Variants in MARCHF11 observed in about 807,000 individuals in gnomAD.
MARCHF11 encodes the protein membrane associated ring-CH-type finger 11, also known as E3 ubiquitin-protein ligase MARCHF11.
MARCHF11 carries 29 observed loss-of-function variants against 37.3 expected under a neutral mutation model. The observed-to-expected ratio is 0.78, with a 90% CI of 0.58 to 1.06. MARCHF11 has a LOEUF of 1.06. Among genes scored for constraint, MARCHF11 ranks in the 50% least tolerant of loss-of-function variants. MARCHF11 has a pLI of 0.00. For synonymous variants in MARCHF11, 233 were observed against 228.0 expected (o/e 1.02, Z -0.20); for missense variants, 482 against 533.4 (o/e 0.90, Z 0.95).
intron 3 of MARCHF11, among the ~76,000 whole-genome samples, chr5:16,082,248 A>T (rs1736623967): frequency 6.6e-6 from 1 of 152,200 alleles, no homozygotes; most frequent in Non-Finnish European, 1.5e-5. Flanking sequence ...TTTCAGGCTC[A>T]TCACGTTGAA....
At chr5:16,150,128 G>A (rs1000427306) in intron 2 of MARCHF11, among the ~76,000 whole-genome samples, 1 of 149,320 alleles carries the variant, frequency 6.7e-6, no homozygotes, top group African/African-American at 2.6e-5. Flanking sequence ...GATTTATCAA[G>A]TTATACAGTT....
In MARCHF11 at chr5:16,150,090, G is replaced by A. The variant is rs547158972; in HGVS notation, c.693+27636C>T. Among the ~76,000 whole-genome samples, 4 of 149,490 alleles carry A rather than the reference G, an allele frequency of 2.7e-5. No individual in the cohort carries two copies. In the East Asian group the frequency reaches 7.8e-4, roughly 29 times the overall value. On this transcript the variant is annotated intron_variant, in intron 2 of 3. Coordinates refer to ENST00000332432, the MANE Select transcript of MARCHF11 (RefSeq NM_001102562.3). Reference sequence around the variant, plus strand: ...AACTTCCTCTGTCTTGATCTGGGTGGTGGTGACACAGGTGTACATGTATAA... The same window carrying A: ...AACTTCCTCTGTCTTGATCTGGGTGATGGTGACACAGGTGTACATGTATAA...
chr5:16,134,998 TCA>T lies in MARCHF11; in HGVS notation c.693+42726_693+42727del, dbSNP rs1553996992. The stretch of plus-strand genomic sequence containing the variant: ...TGATTTCTCTCTCTCTCTCTCTCTC[TCA>T]CACACACACACACACACACACACAC... On this transcript the variant is annotated intron_variant, in intron 2 of 3. Transcript: ENST00000332432. 2.2e-3 allele frequency among the ~76,000 whole-genome samples: 316 copies of T among 143,308 alleles called. 1 individual carries two copies. The highest frequency in any genetic ancestry group is 4.6e-3 in the African/African-American group (179 of 38,836). The allele number at this position is 143,308 out of a possible 152,430, so 94.0% of individuals were successfully genotyped here. A position where few individuals can be genotyped will look rare whatever the true frequency, so the allele number is the denominator to read the frequency against.
At chr5:16,135,797 C>G (rs563531751) in intron 2 of MARCHF11, among the ~76,000 whole-genome samples, 2 of 150,036 alleles carry the variant, frequency 1.3e-5, no homozygotes, top group Middle Eastern at 3.4e-3. Context: ...TTGGAACGCT[C>G]TCCTCAATGC....
At chr5:16,096,270 T>C (rs1736866894) in intron 2 of MARCHF11, among the ~76,000 whole-genome samples, 1 of 152,246 alleles carries the variant, frequency 6.6e-6, no homozygotes, top group Non-Finnish European at 1.5e-5. Context: ...CATACCTTTC[T>C]AAATGGCATC....
At chr5:16,072,903 G>A (rs1427209979) in intron 3 of MARCHF11, among the ~76,000 whole-genome samples, 1 of 151,912 alleles carries the variant, frequency 6.6e-6, no homozygotes, top group Non-Finnish European at 1.5e-5. Flanking sequence ...CACTCCTAGA[G>A]GTATAATAAT....
At chr5:16,167,200 G>A (rs1466822941) in intron 2 of MARCHF11, among the ~76,000 whole-genome samples, 1 of 151,710 alleles carries the variant, frequency 6.6e-6, no homozygotes, top group Non-Finnish European at 1.5e-5. Flanking sequence ...GTAATTATAA[G>A]GAATTGGCTC....
intron 2 of MARCHF11, among the ~76,000 whole-genome samples, chr5:16,171,143 T>A (rs1579426619): frequency 6.6e-6 from 1 of 152,114 alleles, no homozygotes; most frequent in Non-Finnish European, 1.5e-5. Context: ...TTAGGGTACA[T>A]GTGCACATTG....
intron 3 of MARCHF11, 111 bp from the exon 4 acceptor site, chr5:16,067,904 G>T: frequency 1.1e-6 from 1 of 929,092 alleles, no homozygotes; most frequent in Non-Finnish European, 1.6e-6. Flanking sequence ...TTCATCATCA[G>T]CAAAAATACA....
chr5:16,102,969 A>C (rs1736983263), intron 2 of MARCHF11, among the ~76,000 whole-genome samples: 1 of 152,190 alleles, frequency 6.6e-6, no homozygotes, highest in Non-Finnish European at 1.5e-5. Context: ...TTGTCTTAAC[A>C]CCACCGATGT....
intron 2 of MARCHF11, among the ~76,000 whole-genome samples, chr5:16,172,438 C>T (rs1207306009): frequency 3.9e-5 from 6 of 152,118 alleles, no homozygotes; most frequent in Non-Finnish European, 7.4e-5. Context: ...TAATAAAACA[C>T]GTCTCCCCTC....
intron 3 of MARCHF11, among the ~76,000 whole-genome samples, chr5:16,068,547 C>G (rs1016807416): frequency 6.6e-6 from 1 of 152,140 alleles, no homozygotes; most frequent in Non-Finnish European, 1.5e-5. Context: ...CTCTTTGCTG[C>G]TATAAAGTGA....
At chr5:16,099,178 G>A (rs1405048675) in intron 2 of MARCHF11, among the ~76,000 whole-genome samples, 1 of 152,108 alleles carries the variant, frequency 6.6e-6, no homozygotes, top group Non-Finnish European at 1.5e-5. Context: ...ATTTTTCAAG[G>A]AAGATGATCA....
intron 2 of MARCHF11, among the ~76,000 whole-genome samples, chr5:16,155,764 C>T (rs1332343541): frequency 6.6e-6 from 1 of 151,908 alleles, no homozygotes; most frequent in Non-Finnish European, 1.5e-5. Context: ...TTGCAAGGAG[C>T]CTGATGTGTA....
In MARCHF11 at chr5:16,119,655, T is replaced by TAA. The variant is rs111317851; in HGVS notation, c.694-28576_694-28575dup. ...GAAGCCTTATAGGTTTTAAGATGTT[T>TAA]AAAAAAAAATGCCTATTCATGAACA... On this transcript the variant is annotated intron_variant, in intron 2 of 3. Transcript: ENST00000332432. Among the ~76,000 whole-genome samples, 550 of 151,296 alleles carry TAA rather than the reference T, an allele frequency of 3.6e-3. 12 individuals are homozygous for TAA. The highest frequency in any genetic ancestry group is 0.013 in the African/African-American group (530 of 41,280).
chr5:16,096,753 C>G (rs1270216351), intron 2 of MARCHF11, among the ~76,000 whole-genome samples: 1 of 152,194 alleles, frequency 6.6e-6, no homozygotes, highest in Non-Finnish European at 1.5e-5. Context: ...CCCTTCCAAC[C>G]AGTAAGCTAA....
chr5:16,169,490 G>A (rs927749545), intron 2 of MARCHF11, among the ~76,000 whole-genome samples: 1 of 152,112 alleles, frequency 6.6e-6, no homozygotes, highest in African/African-American at 2.4e-5. Flanking sequence ...AGTTTTCAAA[G>A]CATTCCACTC....
At chr5:16,134,063 C>T (rs944270094) in intron 2 of MARCHF11, among the ~76,000 whole-genome samples, 4 of 152,052 alleles carry the variant, frequency 2.6e-5, no homozygotes, top group East Asian at 3.9e-4. Context: ...AAGAAACAAT[C>T]GTTAAAGCAA....
chr5:16,087,389 C>G (rs1187144924), intron 3 of MARCHF11, among the ~76,000 whole-genome samples: 1 of 152,188 alleles, frequency 6.6e-6, no homozygotes, highest in Non-Finnish European at 1.5e-5. Context: ...ATTCCTTTAT[C>G]ACTTAGGAAA....
Sources: gnomAD v4.1 joint callset for allele counts (sites outside exome capture counted in the v4.1 genomes callset) on GRCh38, gnomAD v4.1.1 for gene constraint, MANE v1.5 for transcripts, NCBI Gene and HGNC (gene_info 2026-07-23, HGNC 2026-07-21) for gene names.